RPRD1B: variants seen among roughly 807,000 people sequenced by gnomAD.
The protein encoded by RPRD1B is regulation of nuclear pre-mRNA domain containing 1B.
In RPRD1B, 11 loss-of-function variants were observed where a neutral mutation model predicts 41.5. The observed-to-expected ratio is 0.27, with a 90% CI of 0.17 to 0.44. The LOEUF (loss-of-function observed/expected upper bound fraction) is 0.44. RPRD1B is among the 20% of genes least tolerant of loss of function. RPRD1B has a pLI of 1.00. For synonymous variants in RPRD1B, 158 were observed against 155.6 expected (o/e 1.02, Z -0.12); for missense variants, 248 against 389.9 (o/e 0.64, Z 3.06).
chr20:38,050,125 A>G (rs2074170262), intron 3 of RPRD1B, among the ~76,000 whole-genome samples: 2 of 152,336 alleles, frequency 1.3e-5, no homozygotes, highest in African/African-American at 2.4e-5. Context: ...TGCATCTGCT[A>G]TAGAACCTAG....
intron 2 of RPRD1B, among the ~76,000 whole-genome samples, chr20:38,043,388 A>G (rs1029759619): frequency 1.6e-4 from 25 of 152,214 alleles, no homozygotes; most frequent in African/African-American, 6.0e-4. Context: ...CAGCAGTCAC[A>G]TACACCCTGT....
chr20:38,035,138 A>G (rs2073985846), intron 1 of RPRD1B, among the ~76,000 whole-genome samples: 1 of 152,202 alleles, frequency 6.6e-6, no homozygotes, highest in Non-Finnish European at 1.5e-5. Context: ...GGGGTGAGGC[A>G]CAGTGTAGGC....
intron 3 of RPRD1B, among the ~76,000 whole-genome samples, chr20:38,050,239 CTT>C (rs1302800908): frequency 1.3e-5 from 2 of 152,202 alleles, no homozygotes; most frequent in African/African-American, 4.8e-5. Flanking sequence ...CAGTGGGTAA[CTT>C]TCCTGTGAAA....
At chr20:38,038,868 T>C (rs1451828452) in intron 1 of RPRD1B, among the ~76,000 whole-genome samples, 1 of 152,224 alleles carries the variant, frequency 6.6e-6, no homozygotes, top group Non-Finnish European at 1.5e-5. Context: ...TTTGTACATT[T>C]CAAAAGAAAC....
rs147472548 is a variant in RPRD1B at position 38,075,286 on chromosome 20, A to G, written c.831+9030A>G. ...TAGGACTTCATTGAGCTTATTTTGT[A>G]TAAACCTCTATACAAGTTAAGGATT... On this transcript the variant is annotated intron_variant, in intron 6 of 6. Coordinates refer to ENST00000373433, the MANE Select transcript of RPRD1B (RefSeq NM_021215.4). 8.4e-3 allele frequency among the ~76,000 whole-genome samples: 1,285 copies of G among 152,364 alleles called. 10 individuals carry two copies. Among genetic ancestry groups the G allele is most frequent in the African/African-American group, 0.025 (1,045 of 41,596 alleles).
chr20:38,089,327 C>T (rs1234551699), intron 6 of RPRD1B, among the ~76,000 whole-genome samples: 1 of 151,874 alleles, frequency 6.6e-6, no homozygotes, highest in Admixed American at 6.6e-5. Flanking sequence ...AGTATAACTT[C>T]AGTGTTTTTT....
chr20:38,041,189 CAA>C (rs2074062804), intron 2 of RPRD1B, among the ~76,000 whole-genome samples: 1 of 152,118 alleles, frequency 6.6e-6, no homozygotes, highest in Non-Finnish European at 1.5e-5. Context: ...CATGTAAAAA[CAA>C]AAGCTTTCTG....
intron 6 of RPRD1B, 114 bp downstream of exon 6, chr20:38,066,370 A>G (rs2074356315): frequency 4.0e-6 from 4 of 1,010,324 alleles, no homozygotes; most frequent in South Asian, 1.6e-5. Flanking sequence ...AAAATTCATG[A>G]TGTGAATTCT....
chr20:38,089,680 C>T (rs771287236), intron 6 of RPRD1B, 46 bp from the exon 7 acceptor site: 61 of 1,537,210 alleles, frequency 4.0e-5, no homozygotes, highest in East Asian at 1.8e-4. Context: ...CCCATGCCCT[C>T]GGCACGCACA....
At position 38,081,285 on chromosome 20, in the gene RPRD1B, C is replaced by T. The variant is rs549542872; in HGVS notation, c.832-8441C>T. The stretch of plus-strand genomic sequence containing the variant: ...CTTGTTGTCGAGATTTTTCACCTCC[C>T]TGATTAGCTGTATTTTATTCTTTTT... On this transcript the variant is annotated intron_variant, in intron 6 of 6. Coordinates refer to ENST00000373433, the MANE Select transcript of RPRD1B (RefSeq NM_021215.4). Among the ~76,000 whole-genome samples, 9 of 152,210 alleles carry T rather than the reference C, an allele frequency of 5.9e-5. No individual in the cohort carries two copies. In the South Asian group the frequency reaches 8.3e-4, roughly 14 times the overall value.
chr20:38,047,611 G>T (rs1258410943), intron 2 of RPRD1B, among the ~76,000 whole-genome samples: 3 of 152,026 alleles, frequency 2.0e-5, no homozygotes, highest in African/African-American at 7.3e-5. Flanking sequence ...TCTGCTTGCT[G>T]TCTGAGATTT....
rs574647924 is a variant in RPRD1B, at chr20:38,079,051, A to G, written c.832-10675A>G. On this transcript the variant is annotated intron_variant, in intron 6 of 6. Coordinates refer to ENST00000373433, the MANE Select transcript of RPRD1B (RefSeq NM_021215.4). ...AGTATTGCTCATAAAATAATAGAAT[A>G]TGGGAGGGGTGAGTGTTCTTTCTCC... is the stretch of plus-strand genomic sequence containing the variant. Among the ~76,000 whole-genome samples the G allele has an allele frequency of 3.9e-5, 6 of 152,308 alleles. No homozygotes were observed. In the East Asian group the frequency reaches 7.7e-4, roughly 20 times the overall value.
At chr20:38,084,411 A>G (rs889718506) in intron 6 of RPRD1B, among the ~76,000 whole-genome samples, 13 of 152,224 alleles carry the variant, frequency 8.5e-5, no homozygotes, top group African/African-American at 2.9e-4. Context: ...CTACTTAGCA[A>G]GAAGGAAAAT....
chr20:38,035,549 A>G (rs978868640), intron 1 of RPRD1B, among the ~76,000 whole-genome samples: 4 of 152,174 alleles, frequency 2.6e-5, no homozygotes, highest in African/African-American at 7.2e-5. Context: ...ACTGCCCCCA[A>G]ATATCGCGTA....
chr20:38,059,595 T>A, intron 5 of RPRD1B, 75 bp downstream of exon 5: 1 of 1,445,432 alleles, frequency 6.9e-7, no homozygotes, highest in Non-Finnish European at 9.5e-7. Context: ...AGGCCATACT[T>A]AACGTCTGCA....
At chr20:38,082,666 C>T (rs571923479) in intron 6 of RPRD1B, among the ~76,000 whole-genome samples, 5 of 152,324 alleles carry the variant, frequency 3.3e-5, no homozygotes, top group Admixed American at 1.3e-4. Context: ...GGATTACAGG[C>T]GTGAGCCACC....
At position 38,082,455 on chromosome 20, in the gene RPRD1B, C is replaced by T. The variant is rs368961720; in HGVS notation, c.832-7271C>T. Reference sequence around the variant, plus strand: ...AGGCTGGAGTAGAGTGGCGCCATCTCGGCTCAGTGCAAGCCCCGCCTCCCA... The same window carrying T: ...AGGCTGGAGTAGAGTGGCGCCATCTTGGCTCAGTGCAAGCCCCGCCTCCCA... On this transcript the variant is annotated intron_variant, in intron 6 of 6. Coordinates refer to ENST00000373433, the MANE Select transcript of RPRD1B (RefSeq NM_021215.4). Among the ~76,000 whole-genome samples the T allele has an allele frequency of 1.5e-4, 23 of 152,276 alleles. 1 individual carries two copies. Among genetic ancestry groups the T allele is most frequent in the Admixed American group, 3.9e-4 (6 of 15,298 alleles).
chr20:38,076,669 C>G (rs2074463044), intron 6 of RPRD1B, among the ~76,000 whole-genome samples: 1 of 151,842 alleles, frequency 6.6e-6, no homozygotes, highest in Admixed American at 6.6e-5. Context: ...CCACCCCTGC[C>G]CCCAGTGGTC....
At chr20:38,063,073 A>G (rs2074316612) in intron 5 of RPRD1B, among the ~76,000 whole-genome samples, 1 of 152,058 alleles carries the variant, frequency 6.6e-6, no homozygotes, top group South Asian at 2.1e-4. Flanking sequence ...TGCTCAAGTC[A>G]TATGGGCTCC....
Sources: gnomAD v4.1 joint callset for allele counts (sites outside exome capture counted in the v4.1 genomes callset) on GRCh38, gnomAD v4.1.1 for gene constraint, MANE v1.5 for transcripts, NCBI Gene and HGNC (gene_info 2026-07-23, HGNC 2026-07-21) for gene names.